The following DNAJB5 variants were observed in gnomAD, a reference collection of about 807,000 sequenced individuals.
DNAJB5 encodes the protein dnaJ homolog subfamily B member 5.
In DNAJB5, 12 loss-of-function variants were observed where a neutral mutation model predicts 32.6. The observed-to-expected ratio is 0.37, with a 90% CI of 0.24 to 0.60. DNAJB5 has a LOEUF of 0.60. Among genes scored for constraint, DNAJB5 ranks in the 20% least tolerant of loss-of-function variants. The probability of loss-of-function intolerance (pLI) is 0.71; values close to 1 mark genes in which losing one functional copy is unlikely to be tolerated. For missense variants in DNAJB5, 358 were observed against 554.2 expected (o/e 0.65, Z 3.55); for synonymous variants, 188 against 212.9 (o/e 0.88, Z 1.02).
Position 34,993,796 on chromosome 9 carries a change from GCTCT to G in DNAJB5, c.427+355_427+358del, listed in dbSNP as rs1263496076. Among the ~76,000 whole-genome samples the G allele has an allele frequency of 2.0e-5, 3 of 152,170 alleles. No homozygotes were observed. Among genetic ancestry groups the G allele is most frequent in the Non-Finnish European group, 4.4e-5 (3 of 68,026 alleles). On this transcript the variant is annotated intron_variant, in intron 3 of 4. Coordinates refer to ENST00000682809, the MANE Select transcript of DNAJB5 (RefSeq NM_001349723.3). This position sits in a 1 kb window ranked among gnomAD's most constrained non-coding sequence, Gnocchi z 4.7. ...GAAGGTTGGGGAGAGGGAGTGTGTG[GCTCT>G]CTGAGGACAGAGCATTTACATTCAT...
chr9:34,990,368 A>G lies in DNAJB5; in HGVS notation c.-132-131A>G, dbSNP rs1443756818. The G allele has an allele frequency of 1.3e-6, 2 of 1,509,336 alleles. No homozygotes were observed. The highest frequency in any genetic ancestry group is 1.8e-6 in the Non-Finnish European group (2 of 1,130,986). 93.5% of individuals were successfully genotyped at this position (1,509,336 alleles called of 1,614,324 possible). ...CACAGGTATACACGCTGCCACTCAC[A>G]AACACACGCTTGCACTCCCAGCCTC... is the stretch of plus-strand genomic sequence containing the variant. On this transcript the variant is annotated intron_variant, in intron 1 of 4. Transcript: ENST00000682809. This position sits in a 1 kb window ranked among gnomAD's most constrained non-coding sequence, Gnocchi z 4.5.
At chr9:34,991,120 C>T (rs112787345) in intron 2 of DNAJB5, 19 of 452,928 alleles carry the variant, frequency 4.2e-5, no homozygotes, top group African/African-American at 2.0e-4. Context: ...ACTCATCCCC[C>T]TCCATCAGTA....
At chr9:34,992,284 C>G (rs1827671825) in intron 2 of DNAJB5, 1 of 152,266 alleles carries the variant, frequency 6.6e-6, no homozygotes, top group South Asian at 2.1e-4. Context: ...TGGGCCGGAT[C>G]CTAAACCACA....
intron 3 of DNAJB5, among the ~76,000 whole-genome samples, chr9:34,994,468 C>A (rs1187161231): frequency 2.0e-5 from 3 of 152,140 alleles, no homozygotes; most frequent in Admixed American, 2.0e-4. Context: ...CCTAGACGTG[C>A]CAACTCCCAG....
Position 34,989,790 on chromosome 9 carries a change from G to C in DNAJB5, c.-174G>C. On this transcript the variant is annotated 5_prime_UTR_variant, in exon 1 of 5. Transcript: ENST00000682809. Reference sequence around the variant, plus strand: ...AGCCGGAGCCGGGGGAGGGGGCAGCGGCTGTCTCACGGACCACGGCGGCGC... The same window carrying C: ...AGCCGGAGCCGGGGGAGGGGGCAGCCGCTGTCTCACGGACCACGGCGGCGC... The C allele has an allele frequency of 1.6e-6, 2 of 1,231,524 alleles. No homozygotes were observed. Among genetic ancestry groups the C allele is most frequent in the Non-Finnish European group, 2.0e-6 (2 of 987,722 alleles). The allele number at this position is 1,231,524 out of a possible 1,614,324, so 76.3% of individuals were successfully genotyped here. A position where few individuals can be genotyped will look rare whatever the true frequency, so the allele number is the denominator to read the frequency against.
rs1314820377 is a variant in DNAJB5 at position 34,990,105 on chromosome 9, A to ACCAG, written c.-133+284_-133+287dup. On this transcript the variant is annotated intron_variant, in intron 1 of 4. Transcript: ENST00000682809. This position sits in a 1 kb window ranked among gnomAD's most constrained non-coding sequence, Gnocchi z 4.5. ...GTGGGGCGGAGGCATCTGTGAGCAG[A>ACCAG]CCAGCCAGCCAGCGCGGGTGACATC... 3 of 766,102 alleles carry ACCAG rather than the reference A, an allele frequency of 3.9e-6. No homozygotes were observed. In the African/African-American group the frequency reaches 5.3e-5, roughly 14 times the overall value. The allele number at this position is 766,102 out of a possible 1,614,324, so 47.5% of individuals were successfully genotyped here.
At chr9:34,992,973 G>C in intron 2 of DNAJB5, 2 of 1,376,882 alleles carry the variant, frequency 1.5e-6, no homozygotes, top group Non-Finnish European at 9.4e-7. Flanking sequence ...CTTCCTGCTG[G>C]GAAAACCCAG....
chr9:34,990,700 C>A lies in DNAJB5; in HGVS notation c.70C>A (p.Arg24=). The change falls in exon 2 of 5, where the codon CGG becomes AGG. Residue 24 remains arginine (R), a synonymous_variant. Coordinates refer to ENST00000682809, the MANE Select transcript of DNAJB5 (RefSeq NM_001349723.3). This position sits in a 1 kb window ranked among gnomAD's most constrained non-coding sequence, Gnocchi z 4.5. The stretch of plus-strand genomic sequence containing the variant: ...CCCACTGCAGGCCCGAGGAGCTTTC[C>A]GGAGCTTCCCACACTCCTGGGGAGA... ...APPLQARGAF[R]SFPHSWGEDF... The A allele has an allele frequency of 6.4e-7, 1 of 1,551,702 alleles. No individual in the cohort carries two copies. Among genetic ancestry groups the A allele is most frequent in the East Asian group, 2.4e-5 (1 of 40,914 alleles).
rs1265250467 is a variant in DNAJB5 at position 34,993,284 on chromosome 9, G to C, written c.267G>C (p.Glu89Asp). The change falls in exon 3 of 5, where the codon GAG becomes GAC. Residue 89 changes from glutamate (E) to aspartate (D), a missense_variant. Transcript: ENST00000682809. This position sits in a 1 kb window ranked among gnomAD's most constrained non-coding sequence, Gnocchi z 4.7. ...TTGGGATCCCATCGGGGGCCAACGA[G>C]GATGAGATCAAGAAAGCCTACCGGA... ...KILGIPSGAN[E>D]DEIKKAYRKM... 1.2e-6 allele frequency: 2 copies of C among 1,614,146 alleles called. No homozygotes were observed. Among genetic ancestry groups the C allele is most frequent in the African/African-American group, 1.3e-5 (1 of 75,028 alleles).
chr9:34,996,320 C>A lies in DNAJB5; in HGVS notation c.483C>A (p.Thr161=). 1.2e-6 allele frequency: 2 copies of A among 1,614,114 alleles called. No individual in the cohort carries two copies. The highest frequency in any genetic ancestry group is 1.6e-4 in the Middle Eastern group (1 of 6,062). The change falls in exon 4 of 5, where the codon ACC becomes ACA. Residue 161 remains threonine, a synonymous_variant. Coordinates refer to ENST00000682809, the MANE Select transcript of DNAJB5 (RefSeq NM_001349723.3). This position sits in a 1 kb window ranked among gnomAD's most constrained non-coding sequence, Gnocchi z 7.2. ...GCTCCAGTGGCTCCTTTCACTACAC[C>A]TTTCATGGGGACCCCCATGCCACCT... The part of the protein sequence containing the change: ...SGGSSGSFHY[T]FHGDPHATFA...
Position 34,989,791 on chromosome 9 carries a change from G to A in DNAJB5, c.-173G>A. ...GCCGGAGCCGGGGGAGGGGGCAGCG[G>A]CTGTCTCACGGACCACGGCGGCGCC... On this transcript the variant is annotated 5_prime_UTR_variant, in exon 1 of 5. Transcript: ENST00000682809. The A allele has an allele frequency of 3.2e-6, 4 of 1,231,596 alleles. No homozygotes were observed. The highest frequency in any genetic ancestry group is 4.0e-6 in the Non-Finnish European group (4 of 987,754). 76.3% of individuals were successfully genotyped at this position (1,231,596 alleles called of 1,614,324 possible).
chr9:34,994,983 A>G (rs1827751041), intron 3 of DNAJB5, among the ~76,000 whole-genome samples: 2 of 152,070 alleles, frequency 1.3e-5, no homozygotes, highest in South Asian at 4.2e-4. Flanking sequence ...ATCCCTATAG[A>G]GAGAATTACC....
rs1453948847 is a variant in DNAJB5, at chr9:34,996,915, A to G, written c.1029+49A>G. 1.3e-6 allele frequency: 2 copies of G among 1,585,128 alleles called. No homozygotes were observed. The highest frequency in any genetic ancestry group is 8.6e-7 in the Non-Finnish European group (1 of 1,167,124). ...TGTGTGCTGGGGAGATGGTGGGGAC[A>G]TTCCCTCTCTTCCCGCCAGCTGGCA... On this transcript the variant is annotated intron_variant, in intron 4 of 4. Transcript: ENST00000682809. The surrounding 1 kb of genome is among the most constrained non-coding windows in gnomAD (Gnocchi z 7.2).
At position 34,993,269 on chromosome 9, in the gene DNAJB5, A is replaced by C. The variant is rs767798459; in HGVS notation, c.252A>C (p.Pro84=). The change falls in exon 3 of 5, where the codon CCA becomes CCC. Residue 84 remains proline (P), a synonymous_variant. Transcript: ENST00000682809. This position sits in a 1 kb window ranked among gnomAD's most constrained non-coding sequence, Gnocchi z 4.7. ...GKDYYKILGI[P]SGANEDEIKK... ...ATTATTACAAGATTCTTGGGATCCC[A>C]TCGGGGGCCAACGAGGATGAGATCA... 3 of 1,614,078 alleles carry C rather than the reference A, an allele frequency of 1.9e-6. No individual in the cohort carries two copies. Among genetic ancestry groups the C allele is most frequent in the South Asian group, 1.1e-5 (1 of 91,080 alleles).
intron 3 of DNAJB5, among the ~76,000 whole-genome samples, chr9:34,995,828 G>C (rs1197350565): frequency 1.3e-5 from 2 of 152,168 alleles, no homozygotes; most frequent in Non-Finnish European, 2.9e-5. Flanking sequence ...CCCCTCTGTG[G>C]TCACATCCTG....
intron 3 of DNAJB5, among the ~76,000 whole-genome samples, chr9:34,995,621 A>G (rs1301840591): frequency 1.3e-5 from 2 of 152,214 alleles, no homozygotes; most frequent in Non-Finnish European, 1.5e-5. Context: ...AGAGTGTGGG[A>G]ACAAAGCATT....
rs1051295023 is a variant in DNAJB5, at chr9:34,993,604, C to A, written c.427+160C>A. 6.6e-5 allele frequency among the ~76,000 whole-genome samples: 10 copies of A among 152,104 alleles called. No individual in the cohort carries two copies. Among genetic ancestry groups the A allele is most frequent in the African/African-American group, 2.4e-4 (10 of 41,406 alleles). Reference sequence around the variant, plus strand: ...AGAGAAGAGAGAAGCCCACCCACTACCCAGCTCAGCTCACCCTAGTTCTCC... The same window carrying A: ...AGAGAAGAGAGAAGCCCACCCACTAACCAGCTCAGCTCACCCTAGTTCTCC... On this transcript the variant is annotated intron_variant, in intron 3 of 4. Transcript: ENST00000682809. The surrounding 1 kb of genome is among the most constrained non-coding windows in gnomAD (Gnocchi z 4.7).
chr9:34,997,167 G>A lies in DNAJB5; in HGVS notation c.1171G>A (p.Gly391Arg). The A allele has an allele frequency of 6.2e-7, 1 of 1,614,156 alleles. No homozygotes were observed. The highest frequency in any genetic ancestry group is 8.5e-7 in the Non-Finnish European group (1 of 1,180,030). Reference sequence around the variant, plus strand: ...CTTCCCCAAAGTGCCAACTCAGCGAGGAGACCTCATTGTTGAGTTCAAAGT... The same window carrying A: ...CTTCCCCAAAGTGCCAACTCAGCGAAGAGACCTCATTGTTGAGTTCAAAGT... ...LPFPKVPTQRGDLIVEFKVRF... is the reference protein window; with the variant it reads ...LPFPKVPTQRRDLIVEFKVRF... Residue 391 changes from glycine to arginine, a missense_variant, in exon 5 of 5, where the codon GGA (glycine) becomes AGA (arginine). Physicochemically the swap from Gly to Arg is moderately radical, Grantham distance 125 (BLOSUM62 -2). This residue lies in a region of DNAJB5 where 248 missense variants were observed against 442.6 expected (regional missense o/e 0.56). Transcript: ENST00000682809. The surrounding 1 kb of genome is among the most constrained non-coding windows in gnomAD (Gnocchi z 4.1).
At position 34,990,952 on chromosome 9, in the gene DNAJB5, C is replaced by T. The variant is rs974180366; in HGVS notation, c.182+140C>T. ...TACAGGAACCCCCCTCCGGCCTCAC[C>T]CACATATTTGAATGAATTGCACCCC... On this transcript the variant is annotated intron_variant, in intron 2 of 4. Coordinates refer to ENST00000682809, the MANE Select transcript of DNAJB5 (RefSeq NM_001349723.3). The surrounding 1 kb of genome is among the most constrained non-coding windows in gnomAD (Gnocchi z 4.5). 3.5e-6 allele frequency: 3 copies of T among 854,232 alleles called. No individual in the cohort carries two copies. Among genetic ancestry groups the T allele is most frequent in the Non-Finnish European group, 5.3e-6 (3 of 567,618 alleles). The allele number at this position is 854,232 out of a possible 1,614,324, so 52.9% of individuals were successfully genotyped here.
Sources: gnomAD v4.1 joint callset for allele counts (sites outside exome capture counted in the v4.1 genomes callset) on GRCh38, gnomAD v4.1.1 for gene constraint, gnomAD v4.1.1 regional missense constraint, Gnocchi (gnomAD v3.1) non-coding constraint, MANE v1.5 for transcripts, NCBI Gene and HGNC (gene_info 2026-07-23, HGNC 2026-07-21) for gene names.